The following GRM3 variants were observed in gnomAD, a reference collection of about 807,000 sequenced individuals.
GRM3 encodes glutamate metabotropic receptor 3, also known as metabotropic glutamate receptor 3.
A neutral mutation model predicts 70.5 loss-of-function variants in GRM3; 26 were observed. The observed-to-expected ratio is 0.37, with a 90% confidence interval of 0.27 to 0.51. The LOEUF (loss-of-function observed/expected upper bound fraction) is 0.51. Ranked by LOEUF, GRM3 falls within the 20% of genes least tolerant of loss-of-function variation. GRM3 has a pLI of 0.93. For synonymous variants in GRM3, 443 were observed against 434.9 expected (o/e 1.02, Z -0.23); for missense variants, 859 against 1,123.8 (o/e 0.76, Z 3.37).
chr7:86,835,960 G>A (rs1029294487), intron 3 of GRM3, among the ~76,000 whole-genome samples: 13 of 151,940 alleles, frequency 8.6e-5, no homozygotes, highest in African/African-American at 1.5e-4. Flanking sequence ...GAAAACAAGC[G>A]AAAAATGTGT....
chr7:86,734,189 C>A (rs1209486632), intron 1 of GRM3, among the ~76,000 whole-genome samples: 1 of 152,156 alleles, frequency 6.6e-6, no homozygotes, highest in Non-Finnish European at 1.5e-5. Flanking sequence ...AAGGTATTTT[C>A]TTCTACTTCT....
chr7:86,760,132 A>G (rs1420283750), intron 1 of GRM3, among the ~76,000 whole-genome samples: 2 of 152,114 alleles, frequency 1.3e-5, no homozygotes, highest in Non-Finnish European at 2.9e-5. Context: ...AAGAGTATGT[A>G]TGGTTTCTGG....
At chr7:86,816,226 C>T (rs1005393836) in intron 3 of GRM3, among the ~76,000 whole-genome samples, 7 of 151,814 alleles carry the variant, frequency 4.6e-5, no homozygotes, top group Middle Eastern at 3.2e-3. Context: ...TAGTGCTTCC[C>T]CATCCAGTGG....
At position 86,768,822 on chromosome 7, in the gene GRM3, G is replaced by A. The variant is rs554213633; in HGVS notation, c.468+3209G>A. Among the ~76,000 whole-genome samples the A allele has an allele frequency of 3.9e-5, 6 of 152,226 alleles. No homozygotes were observed. In the East Asian group the frequency reaches 1.2e-3, roughly 29 times the overall value. On this transcript the variant is annotated intron_variant, in intron 2 of 5. Transcript: ENST00000361669. ...GACTTGTCCAGGCCAAGTCAAGCCA[G>A]GAGTTGGAGCAATTAGGCTATACAC...
At chr7:86,853,629 G>A (rs1366337737) in intron 5 of GRM3, among the ~76,000 whole-genome samples, 1 of 152,108 alleles carries the variant, frequency 6.6e-6, no homozygotes, top group Non-Finnish European at 1.5e-5. Flanking sequence ...TATTGCTGCT[G>A]GTTTTCTGAC....
At chr7:86,780,971 G>A (rs1055728497) in intron 2 of GRM3, among the ~76,000 whole-genome samples, 2 of 152,166 alleles carry the variant, frequency 1.3e-5, no homozygotes, top group African/African-American at 4.8e-5. Flanking sequence ...TTACGAGCTT[G>A]GATTGCAGAA....
At chr7:86,763,867 G>C (rs1210836874) in intron 1 of GRM3, among the ~76,000 whole-genome samples, 2 of 152,090 alleles carry the variant, frequency 1.3e-5, no homozygotes, top group Non-Finnish European at 2.9e-5. Context: ...AGTGCTTTGG[G>C]GGGTGGTAGC....
chr7:86,784,073 T>C (rs1472617067), intron 2 of GRM3, among the ~76,000 whole-genome samples: 2 of 152,208 alleles, frequency 1.3e-5, no homozygotes, highest in Non-Finnish European at 2.9e-5. Context: ...TTGTGCCCCT[T>C]TCCAATGCAG....
intron 3 of GRM3, among the ~76,000 whole-genome samples, chr7:86,802,596 T>C (rs1797706699): frequency 6.7e-6 from 1 of 149,498 alleles, no homozygotes; most frequent in Admixed American, 6.6e-5. Flanking sequence ...CAATAGTAAA[T>C]TGAAAAAAAA....
intron 3 of GRM3, among the ~76,000 whole-genome samples, chr7:86,789,676 G>A (rs780512472): frequency 6.6e-6 from 1 of 152,118 alleles, no homozygotes; most frequent in South Asian, 2.1e-4. Flanking sequence ...TCTTCTTCTG[G>A]CTATTTGCAT....
At chr7:86,742,169 A>G (rs1419394229) in intron 1 of GRM3, among the ~76,000 whole-genome samples, 4 of 152,130 alleles carry the variant, frequency 2.6e-5, no homozygotes, top group Non-Finnish European at 5.9e-5. Flanking sequence ...TGGCTAGTGC[A>G]TGTGCCTCTC....
At chr7:86,743,746 A>T (rs1279506429) in intron 1 of GRM3, among the ~76,000 whole-genome samples, 1 of 152,186 alleles carries the variant, frequency 6.6e-6, no homozygotes, top group Non-Finnish European at 1.5e-5. Flanking sequence ...TTGCAAACCT[A>T]GTGAATGGCT....
At chr7:86,713,139 T>C (rs1357156271) in intron 1 of GRM3, among the ~76,000 whole-genome samples, 1 of 152,026 alleles carries the variant, frequency 6.6e-6, no homozygotes, top group Non-Finnish European at 1.5e-5. Flanking sequence ...TCAGCATCTA[T>C]TAGTTATTCT....
rs537363406 is a variant in GRM3 at position 86,852,932 on chromosome 7, A to T, written c.2566+2388A>T. On this transcript the variant is annotated intron_variant, in intron 5 of 5. Transcript: ENST00000361669. ...GTCAAGAGTTGAGCCTGATTTCCTG[A>T]CTTTCAATTAAAAACTTTCCCATTT... 5.9e-5 allele frequency among the ~76,000 whole-genome samples: 9 copies of T among 152,232 alleles called. No individual in the cohort carries two copies. In the South Asian group the frequency reaches 1.7e-3, roughly 28 times the overall value.
intron 3 of GRM3, among the ~76,000 whole-genome samples, chr7:86,824,750 C>G (rs1798196960): frequency 6.6e-6 from 1 of 151,954 alleles, no homozygotes; most frequent in African/African-American, 2.4e-5. Context: ...CCTGGTTTTT[C>G]AGTAAAAATA....
At chr7:86,696,370 G>A (rs200263063) in intron 1 of GRM3, among the ~76,000 whole-genome samples, 1 of 144,428 alleles carries the variant, frequency 6.9e-6, no homozygotes, top group Non-Finnish European at 1.5e-5. Context: ...AGTAAAGATT[G>A]GGGGGATGAG....
chr7:86,657,422 TA>T (rs1213648302), intron 1 of GRM3, among the ~76,000 whole-genome samples: 1 of 152,206 alleles, frequency 6.6e-6, no homozygotes, highest in African/African-American at 2.4e-5. Context: ...TCCTGGGCTC[TA>T]AAAAATTAGG....
At chr7:86,763,608 G>T (rs544502978) in intron 1 of GRM3, among the ~76,000 whole-genome samples, 2 of 152,082 alleles carry the variant, frequency 1.3e-5, no homozygotes, top group African/African-American at 4.8e-5. Flanking sequence ...AGATTCATAC[G>T]TTCTAGCCTA....
At position 86,839,096 on chromosome 7, in the gene GRM3, T is replaced by A. The variant is rs1437787699; in HGVS notation, c.1582T>A (p.Cys528Ser). ...GAATATGCAACCAGGGGATGTCTGCTGCTGGATTTGCATCCCCTGTGAACC... is the reference window on the plus strand; with the variant it reads ...GAATATGCAACCAGGGGATGTCTGCAGCTGGATTTGCATCCCCTGTGAACC... ...MKNMQPGDVC[C>S]WICIPCEPYE... Residue 528 changes from cysteine (C) to serine (S), a missense_variant, in exon 4 of 6, where the codon TGC (cysteine) becomes AGC (serine). By Grantham distance (112) the Cys-to-Ser change is moderately radical. Transcript: ENST00000361669. This position sits in a 1 kb window ranked among gnomAD's most constrained non-coding sequence, Gnocchi z 4.5. 6.2e-7 allele frequency: 1 copy of A among 1,613,844 alleles called. No individual in the cohort carries two copies. The highest frequency in any genetic ancestry group is 8.5e-7 in the Non-Finnish European group (1 of 1,179,840).
Sources: gnomAD v4.1 joint callset for allele counts (sites outside exome capture counted in the v4.1 genomes callset) on GRCh38, gnomAD v4.1.1 for gene constraint, Gnocchi (gnomAD v3.1) non-coding constraint, MANE v1.5 for transcripts, NCBI Gene and HGNC (gene_info 2026-07-23, HGNC 2026-07-21) for gene names.